RALY: variants seen among roughly 807,000 people sequenced by gnomAD.
RALY encodes RALY heterogeneous nuclear ribonucleoprotein, also known as RNA-binding protein Raly.
Under a neutral mutation model 30.7 loss-of-function variants are expected in RALY, and 15 were observed. The observed-to-expected ratio is 0.49, with a 90% CI of 0.33 to 0.75. RALY has a LOEUF of 0.75. RALY is among the 30% of genes least tolerant of loss of function. RALY has a pLI of 0.02. For synonymous variants in RALY, 177 were observed against 170.8 expected (o/e 1.04, Z -0.28); for missense variants, 339 against 414.3 (o/e 0.82, Z 1.58).
chr20:34,014,400 C>T (rs2031528980), intron 1 of RALY, among the ~76,000 whole-genome samples: 1 of 152,246 alleles, frequency 6.6e-6, no homozygotes, highest in South Asian at 2.1e-4. Context: ...TATCATTTGT[C>T]TCTTGAATGT....
At chr20:34,055,469 G>C (rs1479278208) in intron 2 of RALY, among the ~76,000 whole-genome samples, 2 of 152,168 alleles carry the variant, frequency 1.3e-5, no homozygotes, top group Non-Finnish European at 2.9e-5. Flanking sequence ...CATGGGGGCT[G>C]TGGTATGTGG....
rs142306202 is a variant in RALY, at chr20:34,031,148, G to A, written c.-92-374G>A. 6.0e-3 allele frequency among the ~76,000 whole-genome samples: 900 copies of A among 149,726 alleles called. 4 individuals carry two copies. The highest frequency in any genetic ancestry group is 0.035 in the Middle Eastern group (10 of 282). On this transcript the variant is annotated intron_variant, in intron 1 of 9. Transcript: ENST00000246194. ...GAACCTCCGCCTCCCAGGTTCAAGC[G>A]ATTCTCCTGCTTCAGCCTCCCAAGT...
chr20:34,012,259 G>A (rs2031431260), intron 1 of RALY, among the ~76,000 whole-genome samples: 1 of 152,094 alleles, frequency 6.6e-6, no homozygotes, highest in South Asian at 2.1e-4. Flanking sequence ...TCATGAGGTG[G>A]CGGAAGGTTG....
At chr20:34,055,370 T>C (rs1470983098) in intron 2 of RALY, among the ~76,000 whole-genome samples, 1 of 152,208 alleles carries the variant, frequency 6.6e-6, no homozygotes, top group East Asian at 1.9e-4. Flanking sequence ...CCTTCCTGTC[T>C]CTCTCCAACT....
chr20:34,032,265 G>A (rs536744055), intron 2 of RALY, among the ~76,000 whole-genome samples: 31 of 152,210 alleles, frequency 2.0e-4, no homozygotes, highest in East Asian at 9.7e-4. Flanking sequence ...GCCCGGCCCC[G>A]TAGAGACTTT....
At chr20:34,045,218 A>G (rs2032838691) in intron 2 of RALY, among the ~76,000 whole-genome samples, 1 of 152,200 alleles carries the variant, frequency 6.6e-6, no homozygotes, top group African/African-American at 2.4e-5. Flanking sequence ...CCCAGCGTAG[A>G]ACTTATTTTA....
At chr20:34,031,893 G>A (rs1055777472) in intron 2 of RALY, among the ~76,000 whole-genome samples, 1 of 152,128 alleles carries the variant, frequency 6.6e-6, no homozygotes, top group Admixed American at 6.5e-5. Context: ...TGTGGCAGGT[G>A]GGGGGCTATC....
chr20:34,076,868 C>T, intron 7 of RALY, 53 bp downstream of exon 7: 1 of 1,598,358 alleles, frequency 6.3e-7, no homozygotes, highest in Non-Finnish European at 8.5e-7. Context: ...CAGGGCAGAG[C>T]ATGGGGAAAT....
intron 2 of RALY, among the ~76,000 whole-genome samples, chr20:34,032,541 C>T (rs1422183790): frequency 6.6e-6 from 1 of 151,722 alleles, no homozygotes; most frequent in Non-Finnish European, 1.5e-5. Context: ...TTTTGGGAGA[C>T]AGGTCTCACT....
chr20:34,047,968 T>C (rs1444039511), intron 2 of RALY, among the ~76,000 whole-genome samples: 1 of 152,144 alleles, frequency 6.6e-6, no homozygotes, highest in East Asian at 1.9e-4. Flanking sequence ...CCCAGAAATG[T>C]TGGGCAAGAA....
chr20:34,056,743 T>G (rs976223037), intron 2 of RALY, among the ~76,000 whole-genome samples: 3 of 152,150 alleles, frequency 2.0e-5, no homozygotes, highest in African/African-American at 4.8e-5. Flanking sequence ...TCACCTCTAC[T>G]CTCCCTACCC....
chr20:34,046,596 A>C (rs2032887712), intron 2 of RALY, among the ~76,000 whole-genome samples: 1 of 152,202 alleles, frequency 6.6e-6, no homozygotes, highest in Non-Finnish European at 1.5e-5. Context: ...CTAAGTGTCC[A>C]GTGCTTTTAA....
chr20:34,077,152 C>G lies in RALY; in HGVS notation c.783C>G (p.Asn261Lys). ...GCCGGCCACCAGCCCCCCAAGAGAA[C>G]ACAACTTCTGAGGCAGGCCTGCCCC... The part of the protein sequence containing the change: ...GSSRPPAPQE[N>K]TTSEAGLPQG... The change falls in exon 8 of 10, where the codon AAC becomes AAG. Residue 261 changes from asparagine (N) to lysine (K), a missense_variant. Physicochemically the swap from Asn to Lys is moderately conservative, Grantham distance 94. This residue lies in a region of RALY where 268 missense variants were observed against 280.6 expected (regional missense o/e 0.95). Transcript: ENST00000246194. The G allele has an allele frequency of 6.2e-7, 1 of 1,613,280 alleles. No homozygotes were observed. The highest frequency in any genetic ancestry group is 8.5e-7 in the Non-Finnish European group (1 of 1,179,830).
chr20:33,998,469 T>TA (rs1045510005), intron 1 of RALY, among the ~76,000 whole-genome samples: 6 of 152,238 alleles, frequency 3.9e-5, no homozygotes, highest in African/African-American at 1.4e-4. Flanking sequence ...GTACTGTTAC[T>TA]ATTCCCATTC....
At chr20:34,064,927 T>G (rs2033525325) in intron 2 of RALY, 1 of 152,186 alleles carries the variant, frequency 6.6e-6, no homozygotes, top group African/African-American at 2.4e-5. Flanking sequence ...CAGTTACAGT[T>G]TCAAGTGATA....
intron 8 of RALY, chr20:34,077,465 T>TC: frequency 1.0e-6 from 1 of 993,436 alleles, no homozygotes. Context: ...AGGGCAGACC[T>TC]CCCCCAAATG....
intron 1 of RALY, among the ~76,000 whole-genome samples, chr20:34,010,454 C>CT (rs1339074022): frequency 6.6e-6 from 1 of 152,158 alleles, no homozygotes; most frequent in East Asian, 1.9e-4. Context: ...AGGCTGGGGT[C>CT]TTGAACTCCT....
chr20:34,035,422 A>G (rs973649217), intron 2 of RALY, among the ~76,000 whole-genome samples: 3 of 152,156 alleles, frequency 2.0e-5, no homozygotes, highest in African/African-American at 4.8e-5. Context: ...AGGTGGTGAT[A>G]TTCTTATTTT....
chr20:34,071,754 T>C (rs528369694), intron 2 of RALY, among the ~76,000 whole-genome samples: 1 of 152,274 alleles, frequency 6.6e-6, no homozygotes, highest in African/African-American at 2.4e-5. Context: ...GGGGGTCAGA[T>C]CCCAGCCCTG....
Sources: allele counts gnomAD v4.1 joint callset (sites outside exome capture counted in the v4.1 genomes callset), GRCh38; gene constraint gnomAD v4.1.1; regional missense constraint gnomAD v4.1.1; transcripts MANE v1.5; gene names NCBI Gene and HGNC (gene_info 2026-07-23, HGNC 2026-07-21).